Variants in SORCS1 observed in about 807,000 individuals in gnomAD.
The protein encoded by SORCS1 is sortilin related VPS10 domain containing receptor 1.
SORCS1 carries 60 observed loss-of-function variants against 146.1 expected under a neutral mutation model. That is an observed-to-expected ratio of 0.41 (90% confidence interval 0.33 to 0.51). SORCS1 has a LOEUF of 0.51. SORCS1 is among the 20% of genes least tolerant of loss of function. The pLI is 0.21. For missense variants in SORCS1, 1,352 were observed against 1,487.6 expected (o/e 0.91, Z 1.50); for synonymous variants, 637 against 584.0 (o/e 1.09, Z -1.31).
chr10:107,152,040 C>T (rs1278234119), intron 1 of SORCS1, among the ~76,000 whole-genome samples: 1 of 152,196 alleles, frequency 6.6e-6, no homozygotes, highest in African/African-American at 2.4e-5. Context: ...CTGCTCTGTG[C>T]AGCCTCAGGA....
rs191186922 is a variant in SORCS1, at chr10:106,800,974, A to T, written c.727-24282T>A. On this transcript the variant is annotated intron_variant, in intron 3 of 25. Transcript: ENST00000263054. Reference sequence around the variant, plus strand: ...CCCAGATCAATTCTACTTTGTCGTTATTTCCTTATTTGTGTATCTCCTTTT... The same window carrying T: ...CCCAGATCAATTCTACTTTGTCGTTTTTTCCTTATTTGTGTATCTCCTTTT... Among the ~76,000 whole-genome samples the T allele has an allele frequency of 1.8e-3, 275 of 152,230 alleles. 1 individual carries two copies. Among genetic ancestry groups the T allele is most frequent in the African/African-American group, 6.1e-3 (252 of 41,542 alleles).
intron 2 of SORCS1, among the ~76,000 whole-genome samples, chr10:106,923,638 G>A (rs1416200452): frequency 6.6e-6 from 1 of 152,192 alleles, no homozygotes; most frequent in Non-Finnish European, 1.5e-5. Context: ...GGTGGTGTCA[G>A]TGTCTTGGAT....
intron 24 of SORCS1, among the ~76,000 whole-genome samples, chr10:106,586,589 A>G (rs1845252484): frequency 6.6e-6 from 1 of 152,104 alleles, no homozygotes; most frequent in Non-Finnish European, 1.5e-5. Flanking sequence ...CAGTCTAGTT[A>G]CCCTGTAATC....
At chr10:107,031,937 C>T (rs1422904601) in intron 1 of SORCS1, among the ~76,000 whole-genome samples, 2 of 152,218 alleles carry the variant, frequency 1.3e-5, no homozygotes, top group Non-Finnish European at 2.9e-5. Flanking sequence ...TGGACTAACA[C>T]TGACATGTTA....
chr10:106,699,741 A>G (rs1853990215), intron 8 of SORCS1, among the ~76,000 whole-genome samples: 1 of 152,204 alleles, frequency 6.6e-6, no homozygotes, highest in South Asian at 2.1e-4. Flanking sequence ...ATACTTGCTC[A>G]GAAGGCATAT....
intron 2 of SORCS1, among the ~76,000 whole-genome samples, chr10:106,881,736 T>G (rs1950810215): frequency 6.6e-6 from 1 of 152,240 alleles, no homozygotes. Flanking sequence ...TGTTGCCACC[T>G]TACTAAGCCA....
At chr10:106,966,679 A>G (rs1267669435) in intron 1 of SORCS1, among the ~76,000 whole-genome samples, 1 of 152,188 alleles carries the variant, frequency 6.6e-6, no homozygotes, top group Non-Finnish European at 1.5e-5. Flanking sequence ...GTGAAGAGCA[A>G]AAAACTTTTT....
At chr10:107,163,912 C>G (rs1187800421) in intron 1 of SORCS1, 57 bp downstream of exon 1, 1 of 1,544,668 alleles carries the variant, frequency 6.5e-7, no homozygotes, top group Non-Finnish European at 8.8e-7. Context: ...GATCACACAG[C>G]CGACTTTAAC....
chr10:106,938,235 T>C (rs11193123), intron 2 of SORCS1, among the ~76,000 whole-genome samples: 3,111 of 152,284 alleles, frequency 0.02, 32 homozygotes, highest in South Asian at 0.053. Context: ...TCTGCTCTAG[T>C]GTACAGGCCT....
At chr10:107,067,611 C>A (rs1187953063) in intron 1 of SORCS1, among the ~76,000 whole-genome samples, 4 of 152,110 alleles carry the variant, frequency 2.6e-5, no homozygotes, top group Non-Finnish European at 5.9e-5. Context: ...TTAGAAACTG[C>A]TACTTTCATG....
At chr10:107,014,916 C>A (rs1331753418) in intron 1 of SORCS1, among the ~76,000 whole-genome samples, 1 of 152,124 alleles carries the variant, frequency 6.6e-6, no homozygotes, top group Admixed American at 6.5e-5. Context: ...GAAGGAATAG[C>A]CAATTGTGGT....
intron 17 of SORCS1, among the ~76,000 whole-genome samples, chr10:106,655,109 A>C (rs1564823072): frequency 6.6e-6 from 1 of 152,158 alleles, no homozygotes; most frequent in Non-Finnish European, 1.5e-5. Context: ...TGCCCACCTC[A>C]GCCTCCCAAA....
chr10:107,132,216 T>C (rs574925844), intron 1 of SORCS1, among the ~76,000 whole-genome samples: 1 of 152,070 alleles, frequency 6.6e-6, no homozygotes, highest in Non-Finnish European at 1.5e-5. Flanking sequence ...ACAGTCAGGT[T>C]TTATAAACTC....
At chr10:106,692,540 G>A (rs779901037) in intron 9 of SORCS1, among the ~76,000 whole-genome samples, 1 of 152,184 alleles carries the variant, frequency 6.6e-6, no homozygotes, top group Non-Finnish European at 1.5e-5. Flanking sequence ...AATTGTGGTG[G>A]TGGCTGTGCA....
chr10:107,141,488 T>A (rs1282804423), intron 1 of SORCS1, among the ~76,000 whole-genome samples: 1 of 152,270 alleles, frequency 6.6e-6, no homozygotes, highest in Non-Finnish European at 1.5e-5. Context: ...AGTAGTTATG[T>A]AACACAGACT....
chr10:106,905,303 A>G (rs759278893), intron 2 of SORCS1, among the ~76,000 whole-genome samples: 2 of 152,334 alleles, frequency 1.3e-5, no homozygotes, highest in Non-Finnish European at 2.9e-5. Flanking sequence ...GAAGGAAAAG[A>G]TAAATGCACA....
chr10:106,806,689 G>A (rs1489391840), intron 3 of SORCS1, among the ~76,000 whole-genome samples: 3 of 151,164 alleles, frequency 2.0e-5, no homozygotes, highest in African/African-American at 2.4e-5. Flanking sequence ...CTAATTTTTC[G>A]TATTTTTAGT....
chr10:107,080,769 TA>T (rs1357379328), intron 1 of SORCS1, among the ~76,000 whole-genome samples: 1 of 152,214 alleles, frequency 6.6e-6, no homozygotes, highest in Non-Finnish European at 1.5e-5. Flanking sequence ...AAAACAATAA[TA>T]ACACACAATC....
chr10:106,855,102 A>G (rs1449265978), intron 2 of SORCS1, among the ~76,000 whole-genome samples: 7 of 152,116 alleles, frequency 4.6e-5, no homozygotes, highest in African/African-American at 1.4e-4. Flanking sequence ...AAAAGTCTTT[A>G]TCTCTCCTTC....
Sources: gnomAD v4.1 joint callset for allele counts (sites outside exome capture counted in the v4.1 genomes callset) on GRCh38, gnomAD v4.1.1 for gene constraint, MANE v1.5 for transcripts, NCBI Gene and HGNC (gene_info 2026-07-23, HGNC 2026-07-21) for gene names.